CSMD1: variants seen among roughly 807,000 people sequenced by gnomAD.
CSMD1 encodes CUB and sushi domain-containing protein 1.
A neutral mutation model predicts 417.5 loss-of-function variants in CSMD1; 213 were observed. The observed-to-expected ratio is 0.51, with a 90% CI of 0.46 to 0.57. CSMD1 has a LOEUF of 0.57. Among genes scored for constraint, CSMD1 ranks in the 20% least tolerant of loss-of-function variants. The pLI is 0.00. For synonymous variants in CSMD1, 2,862 were observed against 1,736.8 expected (o/e 1.65, Z -16.11); for missense variants, 6,923 against 4,529.7 (o/e 1.53, Z -15.17).
chr8:3,243,030 C>G (rs913791525), intron 26 of CSMD1, among the ~76,000 whole-genome samples: 1 of 152,008 alleles, frequency 6.6e-6, no homozygotes, highest in African/African-American at 2.4e-5. Context: ...ACGGATAAAA[C>G]GTGTCTCCTT....
At chr8:3,729,922 TAAAAAAAAAAAAAAAAAA>T (rs1160679199) in intron 6 of CSMD1, among the ~76,000 whole-genome samples, 2 of 47,062 alleles carry the variant, frequency 4.2e-5, no homozygotes, top group Non-Finnish European at 7.0e-5. Flanking sequence ...CAATTCAAAG[TAAAAAAAAAAAAAAAAAA>T]AAAAAAAAAA....
intron 3 of CSMD1, among the ~76,000 whole-genome samples, chr8:4,345,147 C>T (rs1212308625): frequency 2.0e-5 from 3 of 152,198 alleles, no homozygotes; most frequent in African/African-American, 7.2e-5. Context: ...ATTCAAGAAG[C>T]AGAAAACAGT....
At chr8:4,020,789 G>C (rs113698791) in intron 4 of CSMD1, among the ~76,000 whole-genome samples, 4 of 152,288 alleles carry the variant, frequency 2.6e-5, no homozygotes, top group South Asian at 2.1e-4. Context: ...TCTGAAATGA[G>C]ATTTCTTTTG....
intron 1 of CSMD1, among the ~76,000 whole-genome samples, chr8:4,782,722 CA>C (rs371326935): frequency 0.01 from 1,543 of 151,812 alleles, 11 homozygotes; most frequent in East Asian, 0.048. Context: ...AATTTGAATC[CA>C]AAAAAATGAA....
chr8:4,008,451 A>C (rs1306607098), intron 4 of CSMD1, among the ~76,000 whole-genome samples: 1 of 151,808 alleles, frequency 6.6e-6, no homozygotes, highest in African/African-American at 2.4e-5. Flanking sequence ...TGGTGACAGA[A>C]TTAAATAAAT....
intron 49 of CSMD1, among the ~76,000 whole-genome samples, chr8:3,082,218 G>A (rs12678137): frequency 0.13 from 19,883 of 152,132 alleles, 1,719 homozygotes; most frequent in East Asian, 0.25. Context: ...GACAGGATGC[G>A]TGCCAATCAT....
At chr8:3,201,221 T>G (rs942647417) in intron 32 of CSMD1, among the ~76,000 whole-genome samples, 1 of 152,204 alleles carries the variant, frequency 6.6e-6, no homozygotes, top group Non-Finnish European at 1.5e-5. Context: ...TGGGTCTCTC[T>G]ATGTAGGACT....
At position 3,928,328 on chromosome 8, in the gene CSMD1, A is replaced by G. The variant is rs572282156; in HGVS notation, c.818+69575T>C. ...TGAATGTATTTTTCTTTTAATTGCC[A>G]GGACTGAGTGGTAAACAAATGATAT... On this transcript the variant is annotated intron_variant, in intron 5 of 69. Transcript: ENST00000635120. Among the ~76,000 whole-genome samples the G allele has an allele frequency of 2.9e-3, 442 of 152,276 alleles. 2 individuals carry two copies. Among genetic ancestry groups the G allele is most frequent in the African/African-American group, 0.01 (420 of 41,570 alleles).
intron 59 of CSMD1, 128 bp downstream of exon 59, chr8:2,965,647 T>C: frequency 1.4e-6 from 1 of 695,878 alleles, no homozygotes; most frequent in Non-Finnish European, 2.4e-6. Flanking sequence ...ACTTAATAGT[T>C]GCAAATTGCT....
At chr8:3,114,268 A>C (rs1816719431) in intron 42 of CSMD1, among the ~76,000 whole-genome samples, 1 of 152,056 alleles carries the variant, frequency 6.6e-6, no homozygotes, top group Non-Finnish European at 1.5e-5. Context: ...AGTGAAAACA[A>C]AATAATTTAA....
At chr8:3,008,714 G>C (rs891311703) in intron 52 of CSMD1, among the ~76,000 whole-genome samples, 1 of 152,100 alleles carries the variant, frequency 6.6e-6, no homozygotes, top group Non-Finnish European at 1.5e-5. Flanking sequence ...ACAGGATTTG[G>C]CTTTGTTTAG....
At chr8:3,819,533 TACACACAC>T (rs10566509) in intron 5 of CSMD1, among the ~76,000 whole-genome samples, 5 of 82,346 alleles carry the variant, frequency 6.1e-5, no homozygotes, top group African/African-American at 1.0e-4. Flanking sequence ...AGGTGATTTC[TACACACAC>T]ACACACACAC....
At chr8:3,597,973 C>T (rs1468397176) in intron 8 of CSMD1, among the ~76,000 whole-genome samples, 1 of 152,172 alleles carries the variant, frequency 6.6e-6, no homozygotes, top group Non-Finnish European at 1.5e-5. Flanking sequence ...TACCCCAGAA[C>T]TTAAGGTATA....
At chr8:4,157,347 C>T (rs1318761568) in intron 3 of CSMD1, among the ~76,000 whole-genome samples, 1 of 152,194 alleles carries the variant, frequency 6.6e-6, no homozygotes, top group African/African-American at 2.4e-5. Context: ...AGATATTTAC[C>T]ATCATTTTCT....
intron 10 of CSMD1, among the ~76,000 whole-genome samples, chr8:3,507,225 C>G (rs957275821): frequency 1.3e-5 from 2 of 152,076 alleles, no homozygotes; most frequent in Admixed American, 6.6e-5. Context: ...ATTAGGTAAC[C>G]TATACAATAT....
At chr8:4,224,979 C>T (rs1308390516) in intron 3 of CSMD1, among the ~76,000 whole-genome samples, 1 of 152,086 alleles carries the variant, frequency 6.6e-6, no homozygotes, top group Non-Finnish European at 1.5e-5. Context: ...GGGCGTGGTG[C>T]CGTGCACCTG....
chr8:3,097,313 T>C (rs1319844815), intron 46 of CSMD1, among the ~76,000 whole-genome samples: 1 of 152,222 alleles, frequency 6.6e-6, no homozygotes, highest in Non-Finnish European at 1.5e-5. Flanking sequence ...AGATGCATCC[T>C]GGATTTCATC....
At position 3,965,610 on chromosome 8, in the gene CSMD1, TTTTATTTA is replaced by T. The variant is rs59421208; in HGVS notation, c.818+32285_818+32292del. 1.1e-4 allele frequency among the ~76,000 whole-genome samples: 17 copies of T among 152,050 alleles called. No homozygotes were observed. The East Asian group carries it at 3.3e-3, about 29-fold the overall frequency. ...ATGGTTATGATTTTTTAAAATTTCTTTTTATTTATTTATTTATTTATTTTTGAAATGGA... is the reference window on the plus strand; with the variant it reads ...ATGGTTATGATTTTTTAAAATTTCTTTTTATTTATTTATTTTTGAAATGGA... On this transcript the variant is annotated intron_variant, in intron 5 of 69. Transcript: ENST00000635120.
At chr8:4,249,900 A>G (rs1238982982) in intron 3 of CSMD1, among the ~76,000 whole-genome samples, 1 of 152,182 alleles carries the variant, frequency 6.6e-6, no homozygotes, top group Admixed American at 6.5e-5. Flanking sequence ...AGGCAGTGCT[A>G]GAAGCTGGGA....
Sources: allele counts gnomAD v4.1 joint callset (sites outside exome capture counted in the v4.1 genomes callset), GRCh38; gene constraint gnomAD v4.1.1; transcripts MANE v1.5; gene names NCBI Gene and HGNC (gene_info 2026-07-23, HGNC 2026-07-21).